KDM2A: variants seen among roughly 807,000 people sequenced by gnomAD.
The protein encoded by KDM2A is lysine-specific demethylase 2A.
KDM2A carries 3 observed loss-of-function variants against 137.3 expected under a neutral mutation model. That is an observed-to-expected ratio of 0.02 (90% CI 0.01 to 0.06). The LOEUF (loss-of-function observed/expected upper bound fraction) is 0.06, where lower values mean the gene tolerates loss of function less well. Ranked by LOEUF, KDM2A falls within the 10% of genes least tolerant of loss-of-function variation. KDM2A has a pLI of 1.00. For synonymous variants in KDM2A, 512 were observed against 541.5 expected (o/e 0.95, Z 0.76); for missense variants, 738 against 1,510.6 (o/e 0.49, Z 8.48).
intron 12 of KDM2A, among the ~76,000 whole-genome samples, chr11:67,233,918 A>T (rs1031885130): frequency 3.3e-5 from 5 of 152,150 alleles, no homozygotes; most frequent in African/African-American, 7.2e-5. Flanking sequence ...TGGCTAAGAT[A>T]TAGTGGCAGA....
chr11:67,152,694 G>T (rs1315026734), intron 2 of KDM2A, among the ~76,000 whole-genome samples: 2 of 151,876 alleles, frequency 1.3e-5, no homozygotes, highest in African/African-American at 2.4e-5. Context: ...GAGCTCCACT[G>T]GCCTGGAACA....
At chr11:67,216,912 C>G (rs1394655272) in intron 8 of KDM2A, among the ~76,000 whole-genome samples, 1 of 150,598 alleles carries the variant, frequency 6.6e-6, no homozygotes. Context: ...AAGAGCAAAA[C>G]TCTGTCTCAA....
At chr11:67,175,192 A>C (rs1856951405) in intron 2 of KDM2A, among the ~76,000 whole-genome samples, 1 of 152,178 alleles carries the variant, frequency 6.6e-6, no homozygotes, top group South Asian at 2.1e-4. Flanking sequence ...CATTTATGAG[A>C]TATGTTATAG....
At chr11:67,209,025 T>C (rs1857897887) in intron 6 of KDM2A, among the ~76,000 whole-genome samples, 1 of 151,850 alleles carries the variant, frequency 6.6e-6, no homozygotes, top group African/African-American at 2.4e-5. Context: ...AACCTCTGCC[T>C]CCCCGGTTCA....
intron 10 of KDM2A, among the ~76,000 whole-genome samples, chr11:67,227,749 T>G (rs1205675714): frequency 6.6e-6 from 1 of 152,148 alleles, no homozygotes; most frequent in African/African-American, 2.4e-5. Flanking sequence ...TTTTGTATTT[T>G]TAGTAGAGGT....
At chr11:67,219,250 G>A (rs751227489) in intron 9 of KDM2A, 38 bp from the exon 10 acceptor site, 3 of 1,028,216 alleles carry the variant, frequency 2.9e-6, no homozygotes, top group South Asian at 3.2e-5. Context: ...ACTGTAATGT[G>A]TGTTTTCAGC....
At chr11:67,222,947 A>T (rs1858411736) in intron 10 of KDM2A, among the ~76,000 whole-genome samples, 1 of 151,566 alleles carries the variant, frequency 6.6e-6, no homozygotes, top group African/African-American at 2.4e-5. Flanking sequence ...TAATCCCAAC[A>T]CTTTGGGAGG....
At chr11:67,143,020 CTTTTT>C (rs1194089199) in intron 2 of KDM2A, among the ~76,000 whole-genome samples, 1 of 126,438 alleles carries the variant, frequency 7.9e-6, no homozygotes, top group Admixed American at 8.0e-5. Context: ...TATATCTATT[CTTTTT>C]TTTTTTTTTT....
At chr11:67,225,547 G>T (rs1858513842) in intron 10 of KDM2A, among the ~76,000 whole-genome samples, 1 of 152,022 alleles carries the variant, frequency 6.6e-6, no homozygotes, top group Non-Finnish European at 1.5e-5. Flanking sequence ...GAGGTGGGTG[G>T]ATCACCTGAC....
At chr11:67,183,232 G>A (rs573247094) in intron 5 of KDM2A, among the ~76,000 whole-genome samples, 8 of 152,268 alleles carry the variant, frequency 5.3e-5, no homozygotes, top group Admixed American at 2.6e-4. Flanking sequence ...TCCCCTACTC[G>A]TCACAAGACA....
At position 67,231,816 on chromosome 11, in the gene KDM2A, C is replaced by T. The variant is rs1858730050; in HGVS notation, c.1335C>T (p.Pro445=). ...AAGTGTGGGATCCCCAGTGTGCTCC[C>T]CGAAAGGACAGGCAAGTGCATCTGA... ...NGQVWDPQCA[P]RKDRQVHLTH... Residue 445 remains proline (P), a synonymous_variant, in exon 12 of 21, where the codon CCC becomes CCT. Coordinates refer to ENST00000529006, the MANE Select transcript of KDM2A (RefSeq NM_012308.3). 1 of 1,613,892 alleles carries T rather than the reference C, an allele frequency of 6.2e-7. No homozygotes were observed. Among genetic ancestry groups the T allele is most frequent in the Non-Finnish European group, 8.5e-7 (1 of 1,179,900 alleles).
Position 67,254,100 on chromosome 11 carries a change from C to A in KDM2A, c.3092-103C>A. 1 of 1,058,608 alleles carries A rather than the reference C, an allele frequency of 9.4e-7. No homozygotes were observed. Among genetic ancestry groups the A allele is most frequent in the Non-Finnish European group, 1.4e-6 (1 of 731,252 alleles). The allele number at this position is 1,058,608 out of a possible 1,614,324, so 65.6% of individuals were successfully genotyped here. ...GGGTGTGGGCAGTTCTACTTAACCC[C>A]TTCAAGGGGGCCTGGCCAGCAAGTA... is the stretch of plus-strand genomic sequence containing the variant. On this transcript the variant is annotated intron_variant, in intron 19 of 20. Coordinates refer to ENST00000529006, the MANE Select transcript of KDM2A (RefSeq NM_012308.3). The surrounding 1 kb of genome is among the most constrained non-coding windows in gnomAD (Gnocchi z 4.7).
chr11:67,186,302 A>G (rs900458569), intron 5 of KDM2A, among the ~76,000 whole-genome samples: 1 of 152,204 alleles, frequency 6.6e-6, no homozygotes, highest in East Asian at 1.9e-4. Context: ...ATTATGAACG[A>G]ATTTCTCATC....
At chr11:67,228,381 ATTAC>A (rs899875179) in intron 11 of KDM2A, among the ~76,000 whole-genome samples, 1 of 152,128 alleles carries the variant, frequency 6.6e-6, no homozygotes, top group Non-Finnish European at 1.5e-5. Context: ...CTGAGTTGCT[ATTAC>A]TTAGCTCCTC....
Position 67,148,361 on chromosome 11 carries a change from C to T in KDM2A, c.42+27003C>T, listed in dbSNP as rs1016078543. On this transcript the variant is annotated intron_variant, in intron 2 of 20. Transcript: ENST00000529006. Reference sequence around the variant, plus strand: ...GCTTGACCCCCGGAGGTTGAGGCTGCAGTGAGCTGTGATTGCACCACTGCA... The same window carrying T: ...GCTTGACCCCCGGAGGTTGAGGCTGTAGTGAGCTGTGATTGCACCACTGCA... Among the ~76,000 whole-genome samples, 3 of 152,096 alleles carry T rather than the reference C, an allele frequency of 2.0e-5. No homozygotes were observed. The East Asian group carries it at 5.8e-4, about 29-fold the overall frequency.
intron 2 of KDM2A, among the ~76,000 whole-genome samples, chr11:67,150,208 C>T (rs1040479301): frequency 2.0e-5 from 3 of 152,130 alleles, no homozygotes; most frequent in African/African-American, 7.2e-5. Context: ...ATTTGTTTTT[C>T]TAGCCGATAA....
At chr11:67,198,759 G>GTTTGTTTTGTTTTGTTTTGT (rs71056183) in intron 5 of KDM2A, among the ~76,000 whole-genome samples, 6 of 149,206 alleles carry the variant, frequency 4.0e-5, no homozygotes, top group Admixed American at 6.7e-5. Flanking sequence ...GTGATCAGTA[G>GTTTGTTTTGTTTTGTTTTGT]TTTGTTTTGT....
At chr11:67,195,384 A>AAG (rs1208221677) in intron 5 of KDM2A, among the ~76,000 whole-genome samples, 15 of 151,612 alleles carry the variant, frequency 9.9e-5, no homozygotes, top group Admixed American at 2.6e-4. Context: ...AAAAAAAAAA[A>AAG]AAAAAAAAAA....
At chr11:67,156,953 ATGT>A (rs1345527942) in intron 2 of KDM2A, among the ~76,000 whole-genome samples, 3 of 152,002 alleles carry the variant, frequency 2.0e-5, no homozygotes, top group East Asian at 3.9e-4. Flanking sequence ...TTCATTTAAC[ATGT>A]TGTGGTAGAG....
Sources: allele counts gnomAD v4.1 joint callset (sites outside exome capture counted in the v4.1 genomes callset), GRCh38; gene constraint gnomAD v4.1.1; non-coding constraint Gnocchi (gnomAD v3.1); transcripts MANE v1.5; gene names NCBI Gene and HGNC (gene_info 2026-07-23, HGNC 2026-07-21).